The following RAD51B variants were observed in gnomAD, a reference collection of about 807,000 sequenced individuals.
RAD51B encodes DNA repair protein RAD51 homolog 2.
RAD51B carries 38 observed loss-of-function variants against 42.2 expected under a neutral mutation model. The observed-to-expected ratio is 0.90, with a 90% CI of 0.70 to 1.18. RAD51B has a LOEUF of 1.18. Among genes scored for constraint, RAD51B ranks in the 50% most tolerant of loss-of-function variants. RAD51B has a pLI of 0.00. For synonymous variants in RAD51B, 154 were observed against 145.2 expected (o/e 1.06, Z -0.43); for missense variants, 373 against 400.7 (o/e 0.93, Z 0.59).
intron 7 of RAD51B, among the ~76,000 whole-genome samples, chr14:67,928,123 C>T (rs1160450405): frequency 6.6e-6 from 1 of 152,054 alleles, no homozygotes; most frequent in Non-Finnish European, 1.5e-5. Context: ...TGACTTTATT[C>T]AGTACTGGGC....
At chr14:68,245,037 T>G (rs7156336) in intron 7 of RAD51B, among the ~76,000 whole-genome samples, 4,477 of 152,256 alleles carry the variant, frequency 0.029, 225 homozygotes, top group African/African-American at 0.1. Context: ...CAGATGTGTC[T>G]ATTGATACCA....
intron 7 of RAD51B, among the ~76,000 whole-genome samples, chr14:67,946,585 C>G (rs535792520): frequency 6.6e-5 from 10 of 152,208 alleles, no homozygotes; most frequent in Non-Finnish European, 1.3e-4. Context: ...CCAGGCTGGT[C>G]TTGAACTCCT....
At chr14:68,514,529 G>A (rs1397933746) in intron 10 of RAD51B, among the ~76,000 whole-genome samples, 2 of 152,178 alleles carry the variant, frequency 1.3e-5, no homozygotes, top group Non-Finnish European at 2.9e-5. Context: ...GGCTTCCCTG[G>A]CTAAAAGTTC....
At position 67,989,470 on chromosome 14, in the gene RAD51B, T is replaced by C. The variant is rs546364436; in HGVS notation, c.756+102266T>C. On this transcript the variant is annotated intron_variant, in intron 7 of 10. Transcript: ENST00000471583. ...GACCAACATGGAGAAACCCCATCTC[T>C]ACTAAAAATACAAAAAAATTAGCTG... Among the ~76,000 whole-genome samples, 3 of 151,720 alleles carry C rather than the reference T, an allele frequency of 2.0e-5. 1 individual carries two copies. The South Asian group carries it at 6.2e-4, about 31-fold the overall frequency.
At chr14:68,659,757 C>G (rs1892896352) in intron 11 of RAD51B, among the ~76,000 whole-genome samples, 2 of 152,216 alleles carry the variant, frequency 1.3e-5, no homozygotes, top group Non-Finnish European at 2.9e-5. Flanking sequence ...CCTATGGGCC[C>G]AATCTGGAGC....
chr14:68,245,282 C>A (rs2080472646), intron 7 of RAD51B, among the ~76,000 whole-genome samples: 2 of 152,204 alleles, frequency 1.3e-5, no homozygotes, highest in African/African-American at 4.8e-5. Context: ...TGGGGAACTG[C>A]AGCTGCTGCT....
intron 10 of RAD51B, among the ~76,000 whole-genome samples, chr14:68,529,677 A>C (rs1887151235): frequency 1.3e-5 from 2 of 152,222 alleles, no homozygotes; most frequent in South Asian, 4.1e-4. Flanking sequence ...TCTAGGATAG[A>C]AGAAAATGAG....
chr14:68,119,668 A>G (rs1020159667), intron 7 of RAD51B, among the ~76,000 whole-genome samples: 111 of 150,324 alleles, frequency 7.4e-4, no homozygotes, highest in Non-Finnish European at 1.2e-3. Flanking sequence ...TTATGGCTGC[A>G]TAGTATTCCA....
chr14:67,984,952 T>C (rs922377218), intron 7 of RAD51B, among the ~76,000 whole-genome samples: 1 of 152,214 alleles, frequency 6.6e-6, no homozygotes, highest in Non-Finnish European at 1.5e-5. Context: ...ATGCCCAAAA[T>C]GTTTTACTGA....
chr14:68,364,323 G>C (rs903160142), intron 8 of RAD51B, among the ~76,000 whole-genome samples: 49 of 152,184 alleles, frequency 3.2e-4, no homozygotes, highest in African/African-American at 1.1e-3. Flanking sequence ...GCACTTTGTG[G>C]GGAGGGCCAA....
chr14:68,506,640 T>G (rs1451262603), intron 10 of RAD51B, among the ~76,000 whole-genome samples: 4 of 152,142 alleles, frequency 2.6e-5, no homozygotes. Flanking sequence ...TCTGCATGTG[T>G]CCGAGGCAGG....
intron 8 of RAD51B, among the ~76,000 whole-genome samples, chr14:68,382,121 T>C (rs769521420): frequency 2.3e-4 from 35 of 152,222 alleles, no homozygotes; most frequent in Non-Finnish European, 3.7e-4. Context: ...CTCTGGCCAG[T>C]TGGTTTATCT....
chr14:68,261,597 G>T (rs577392574), intron 7 of RAD51B, among the ~76,000 whole-genome samples: 1 of 152,104 alleles, frequency 6.6e-6, no homozygotes, highest in African/African-American at 2.4e-5. Context: ...AGTGTGCAGC[G>T]TTGCAACTAC....
intron 9 of RAD51B, among the ~76,000 whole-genome samples, chr14:68,437,342 A>G (rs1570107): frequency 0.16 from 24,605 of 152,140 alleles, 4,062 homozygotes; most frequent in African/African-American, 0.42. Context: ...CCAACCTTGC[A>G]CCTCAGAAAT....
intron 7 of RAD51B, among the ~76,000 whole-genome samples, chr14:68,136,399 G>A (rs61985060): frequency 0.055 from 1,278 of 23,138 alleles, 512 homozygotes; most frequent in East Asian, 0.29. Context: ...CCAACATGGT[G>A]AAACCCCATC....
chr14:68,594,487 A>G, exon 11 of RAD51B: 6 of 1,368,520 alleles, frequency 4.4e-6, no homozygotes, highest in Non-Finnish European at 5.8e-6. Context: ...TCTCTTAGAG[A>G]CAACATTTTG....
chr14:68,246,053 G>A (rs2080491391), intron 7 of RAD51B, among the ~76,000 whole-genome samples: 1 of 152,138 alleles, frequency 6.6e-6, no homozygotes, highest in African/African-American at 2.4e-5. Context: ...GTGGAATTTA[G>A]ACTTAAAGTT....
intron 10 of RAD51B, among the ~76,000 whole-genome samples, chr14:68,570,572 G>A (rs1889643864): frequency 6.6e-6 from 1 of 152,144 alleles, no homozygotes; most frequent in Non-Finnish European, 1.5e-5. Context: ...CTATCATCAG[G>A]GAGTCTAAAT....
intron 10 of RAD51B, among the ~76,000 whole-genome samples, chr14:68,499,293 C>T (rs1265367378): frequency 6.6e-6 from 1 of 152,160 alleles, no homozygotes; most frequent in Non-Finnish European, 1.5e-5. Flanking sequence ...GCGGAAAGAA[C>T]TTGTTTTCAC....
Sources: gnomAD v4.1 joint callset for allele counts (sites outside exome capture counted in the v4.1 genomes callset) on GRCh38, gnomAD v4.1.1 for gene constraint, MANE v1.5 for transcripts, NCBI Gene and HGNC (gene_info 2026-07-23, HGNC 2026-07-21) for gene names.